Variants in CCSER1 observed in about 807,000 individuals in gnomAD.
CCSER1 encodes coiled-coil serine rich protein 1.
Under a neutral mutation model 82.0 loss-of-function variants are expected in CCSER1, and 41 were observed. The ratio of observed to expected loss-of-function variants is 0.50; its 90% CI spans 0.39 to 0.65. The LOEUF is 0.65. CCSER1 is among the 30% of genes least tolerant of loss of function. CCSER1 has a pLI of 0.00. For missense variants in CCSER1, 1,119 were observed against 1,064.2 expected, an observed-to-expected ratio of 1.05 and a Z score of -0.72; for synonymous variants, 414 against 383.9, an observed-to-expected ratio of 1.08 and a Z score of -0.92.
chr4:90,811,363 A>G (rs984388490), intron 7 of CCSER1, among the ~76,000 whole-genome samples: 5 of 152,204 alleles, frequency 3.3e-5, no homozygotes, highest in African/African-American at 9.6e-5. Context: ...GGTACAATAC[A>G]CTATGCTGAA....
chr4:90,270,518 A>G (rs1408997196), intron 1 of CCSER1, among the ~76,000 whole-genome samples: 1 of 152,130 alleles, frequency 6.6e-6, no homozygotes, highest in Non-Finnish European at 1.5e-5. Context: ...TCCATATGTG[A>G]TAGACCCAGA....
intron 9 of CCSER1, among the ~76,000 whole-genome samples, chr4:91,042,226 A>G (rs11942491): frequency 0.3 from 46,188 of 151,968 alleles, 7,396 homozygotes; most frequent in African/African-American, 0.35. Flanking sequence ...ATAGCAAGTG[A>G]GTTCTCACGA....
intron 8 of CCSER1, among the ~76,000 whole-genome samples, chr4:90,872,074 A>G (rs568355613): frequency 1.6e-4 from 24 of 151,588 alleles, no homozygotes; most frequent in Non-Finnish European, 2.7e-4. Context: ...TGAAGTTTGT[A>G]TCCTGTAGAG....
At chr4:91,209,932 C>T (rs1291228777) in intron 10 of CCSER1, among the ~76,000 whole-genome samples, 2 of 151,742 alleles carry the variant, frequency 1.3e-5, no homozygotes, top group African/African-American at 4.8e-5. Flanking sequence ...TGCCTCAGTG[C>T]AATGAGCATA....
intron 5 of CCSER1, among the ~76,000 whole-genome samples, chr4:90,540,524 G>A (rs911049904): frequency 2.6e-5 from 4 of 152,042 alleles, no homozygotes; most frequent in African/African-American, 7.2e-5. Context: ...ATAGACAACA[G>A]CAGAACCTTT....
intron 10 of CCSER1, among the ~76,000 whole-genome samples, chr4:91,237,308 G>T (rs1469304674): frequency 1.3e-5 from 2 of 150,890 alleles, no homozygotes; most frequent in Non-Finnish European, 3.0e-5. Flanking sequence ...GTGAAAGAAG[G>T]GTTACTGATT....
At chr4:90,593,749 G>A (rs940930061) in intron 5 of CCSER1, among the ~76,000 whole-genome samples, 4 of 151,894 alleles carry the variant, frequency 2.6e-5, no homozygotes, top group African/African-American at 2.4e-5. Flanking sequence ...CTGCTTGGAT[G>A]CGTCTCCTCT....
intron 10 of CCSER1, among the ~76,000 whole-genome samples, chr4:91,134,953 G>GCT (rs1728331942): frequency 6.6e-6 from 1 of 151,818 alleles, no homozygotes; most frequent in Non-Finnish European, 1.5e-5. Flanking sequence ...CCAGCTACTC[G>GCT]GGAGGCTGAG....
chr4:90,891,787 A>C (rs1723003704), intron 8 of CCSER1, among the ~76,000 whole-genome samples: 1 of 152,018 alleles, frequency 6.6e-6, no homozygotes. Context: ...TTAACAGTAC[A>C]TTCACTCCTA....
chr4:91,258,405 A>G (rs539224071), intron 10 of CCSER1, among the ~76,000 whole-genome samples: 4 of 152,086 alleles, frequency 2.6e-5, no homozygotes, highest in Non-Finnish European at 4.4e-5. Flanking sequence ...GGAAGAGCTC[A>G]TATCTTTCCC....
intron 8 of CCSER1, among the ~76,000 whole-genome samples, chr4:90,839,381 G>T (rs1299852991): frequency 6.6e-6 from 1 of 152,204 alleles, no homozygotes; most frequent in Non-Finnish European, 1.5e-5. Flanking sequence ...TAAAGTTTCA[G>T]ATTCAACTAC....
intron 10 of CCSER1, among the ~76,000 whole-genome samples, chr4:91,247,259 G>A (rs1739869347): frequency 1.3e-5 from 2 of 149,820 alleles, no homozygotes; most frequent in Non-Finnish European, 1.5e-5. Context: ...CCGAGATTGT[G>A]CCACTGCACT....
intron 10 of CCSER1, among the ~76,000 whole-genome samples, chr4:91,401,723 A>T: frequency 6.6e-6 from 1 of 152,184 alleles, no homozygotes; most frequent in Non-Finnish European, 1.5e-5. Flanking sequence ...TACAAAGGAC[A>T]TGAACTCATC....
At chr4:91,000,208 A>AG (rs531905546) in intron 9 of CCSER1, among the ~76,000 whole-genome samples, 29 of 141,808 alleles carry the variant, frequency 2.0e-4, no homozygotes, top group African/African-American at 7.5e-4. Flanking sequence ...AGTATAGTAT[A>AG]GTATAGTATA....
At chr4:90,579,202 T>C (rs1317397797) in intron 5 of CCSER1, among the ~76,000 whole-genome samples, 1 of 152,188 alleles carries the variant, frequency 6.6e-6, no homozygotes, top group Non-Finnish European at 1.5e-5. Flanking sequence ...TCATCTTTTT[T>C]TGTACAGAAT....
intron 1 of CCSER1, among the ~76,000 whole-genome samples, chr4:90,211,642 CA>C (rs1740020092): frequency 6.6e-6 from 1 of 152,114 alleles, no homozygotes; most frequent in Non-Finnish European, 1.5e-5. Context: ...CCATGGTTGG[CA>C]AATACAGTCA....
chr4:91,324,536 T>C (rs1003052565), intron 10 of CCSER1, among the ~76,000 whole-genome samples: 1 of 152,196 alleles, frequency 6.6e-6, no homozygotes, highest in African/African-American at 2.4e-5. Flanking sequence ...TAGAACAATA[T>C]TGTATTATTT....
At chr4:91,474,812 TACACACACACACAC>T (rs67642697) in intron 10 of CCSER1, among the ~76,000 whole-genome samples, 8 of 66,120 alleles carry the variant, frequency 1.2e-4, no homozygotes, top group African/African-American at 4.3e-4. Context: ...TATATATATA[TACACACACACACAC>T]ACACACACAC....
chr4:90,300,848 C>T (rs1732949416), intron 1 of CCSER1, among the ~76,000 whole-genome samples: 1 of 152,082 alleles, frequency 6.6e-6, no homozygotes, highest in Non-Finnish European at 1.5e-5. Flanking sequence ...TTTTTTGAGA[C>T]AGGGTCTCGC....
Sources: allele counts gnomAD v4.1 joint callset (sites outside exome capture counted in the v4.1 genomes callset), GRCh38; gene constraint gnomAD v4.1.1; transcripts MANE v1.5; gene names NCBI Gene and HGNC (gene_info 2026-07-23, HGNC 2026-07-21).